TOMM7: variants seen among roughly 807,000 people sequenced by gnomAD.
The protein encoded by TOMM7 is translocase of outer mitochondrial membrane 7, also known as mitochondrial import receptor subunit TOM7 homolog.
In TOMM7, 8 loss-of-function variants were observed where a neutral mutation model predicts 9.5. The observed-to-expected ratio is 0.84, with a 90% confidence interval of 0.49 to 1.51. The LOEUF (loss-of-function observed/expected upper bound fraction) is 1.51, where lower values mean the gene tolerates loss of function less well. Among genes scored for constraint, TOMM7 ranks in the 40% most tolerant of loss-of-function variants. TOMM7 has a pLI of 0.00. For missense variants in TOMM7, 74 were observed against 63.7 expected (o/e 1.16, Z -0.55); for synonymous variants, 27 against 21.4 (o/e 1.26, Z -0.72).
intron 1 of TOMM7, among the ~76,000 whole-genome samples, chr7:22,819,802 C>G (rs117807556): frequency 1.3e-5 from 2 of 152,312 alleles, no homozygotes; most frequent in Non-Finnish European, 2.9e-5. Flanking sequence ...ATCAGAGCCT[C>G]TGCTTATAAG....
At position 22,822,794 on chromosome 7, in the gene TOMM7, G is replaced by A. The variant is rs770866576; in HGVS notation, c.-15C>T. 3.1e-6 allele frequency: 5 copies of A among 1,605,994 alleles called. No individual in the cohort carries two copies. Among genetic ancestry groups the A allele is most frequent in the Non-Finnish European group, 4.3e-6 (5 of 1,172,620 alleles). The stretch of plus-strand genomic sequence containing the variant: ...AGCTTCACCATGGCGACGGCCGTGT[G>A]GCGCAGGGAGGACCCCTTACAGCAA... On this transcript the variant is annotated 5_prime_UTR_variant, in exon 1 of 3. Transcript: ENST00000358435.
chr7:22,817,723 C>T (rs1030012814), intron 2 of TOMM7: 27 of 325,148 alleles, frequency 8.3e-5, no homozygotes, highest in South Asian at 2.4e-4. Context: ...GAGGATAAGA[C>T]GGGAATATGA....
chr7:22,814,332 A>G (rs1015158572), intron 2 of TOMM7, among the ~76,000 whole-genome samples: 6 of 144,330 alleles, frequency 4.2e-5, no homozygotes, highest in African/African-American at 1.6e-4. Context: ...CCTGGGTGAC[A>G]GAGCAAGACT....
rs1457454096 is a variant in TOMM7 at position 22,822,802 on chromosome 7, G to A, written c.-23C>T. 6.3e-7 allele frequency: 1 copy of A among 1,597,288 alleles called. No homozygotes were observed. Among genetic ancestry groups the A allele is most frequent in the Non-Finnish European group, 8.6e-7 (1 of 1,164,722 alleles). On this transcript the variant is annotated 5_prime_UTR_variant, in exon 1 of 3. Coordinates refer to ENST00000358435, the MANE Select transcript of TOMM7 (RefSeq NM_019059.5). ...CATGGCGACGGCCGTGTGGCGCAGG[G>A]AGGACCCCTTACAGCAACCACAGCG...
At chr7:22,818,344 C>A (rs1319581798) in intron 1 of TOMM7, 1 of 228,058 alleles carries the variant, frequency 4.4e-6, no homozygotes, top group African/African-American at 2.3e-5. Flanking sequence ...TCTCGGCTCA[C>A]TGCAACCTCT....
At chr7:22,817,869 C>A in intron 2 of TOMM7, 131 bp downstream of exon 2, 1 of 773,592 alleles carries the variant, frequency 1.3e-6, no homozygotes, top group Non-Finnish European at 2.1e-6. Context: ...TGCAGTTTTC[C>A]AATAGCCCAA....
At chr7:22,822,305 C>T (rs1782404375) in intron 1 of TOMM7, 5 of 1,538,190 alleles carry the variant, frequency 3.3e-6, no homozygotes, top group Non-Finnish European at 4.4e-6. Context: ...ACTCTTTCCA[C>T]TTAGGACCAC....
At chr7:22,814,847 AG>A (rs1334179870) in intron 2 of TOMM7, among the ~76,000 whole-genome samples, 1 of 152,208 alleles carries the variant, frequency 6.6e-6, no homozygotes, top group East Asian at 1.9e-4. Flanking sequence ...TATTTACATA[AG>A]TATTATATAA....
At chr7:22,822,009 A>G in intron 1 of TOMM7, 1 of 1,015,784 alleles carries the variant, frequency 9.8e-7, no homozygotes, top group Non-Finnish European at 1.4e-6. Context: ...TAAAAACAAA[A>G]ACCAAAAAAA....
At chr7:22,815,597 T>C (rs1782307542) in intron 2 of TOMM7, among the ~76,000 whole-genome samples, 1 of 152,126 alleles carries the variant, frequency 6.6e-6, no homozygotes, top group Admixed American at 6.5e-5. Flanking sequence ...GGTCATTAGT[T>C]AATTCAATGC....
intron 2 of TOMM7, among the ~76,000 whole-genome samples, chr7:22,816,313 G>A (rs1046112014): frequency 3.9e-5 from 6 of 152,282 alleles, no homozygotes; most frequent in Admixed American, 2.6e-4. Context: ...TCCAATACTT[G>A]GAAAATGTCC....
At chr7:22,816,255 G>C (rs558420193) in intron 2 of TOMM7, among the ~76,000 whole-genome samples, 1 of 152,336 alleles carries the variant, frequency 6.6e-6, no homozygotes, top group South Asian at 2.1e-4. Flanking sequence ...GGAGATGACA[G>C]CTTAGAAAGG....
At position 22,813,133 on chromosome 7, in the gene TOMM7, G is replaced by A. The variant is rs570562210; in HGVS notation, c.*37C>T. The A allele has an allele frequency of 1.1e-5, 18 of 1,611,650 alleles. No homozygotes were observed. The highest frequency in any genetic ancestry group is 6.7e-5 in the African/African-American group (5 of 74,876). On this transcript the variant is annotated 3_prime_UTR_variant, in exon 3 of 3. Transcript: ENST00000358435. Reference sequence around the variant, plus strand: ...AGAGCACACATCTTCCATGCTGTCCGCTGATTGCCTCCAAATCCAGAAGAC... The same window carrying A: ...AGAGCACACATCTTCCATGCTGTCCACTGATTGCCTCCAAATCCAGAAGAC...
chr7:22,816,147 G>A (rs966723988), intron 2 of TOMM7, among the ~76,000 whole-genome samples: 4 of 152,122 alleles, frequency 2.6e-5, no homozygotes, highest in African/African-American at 7.2e-5. Context: ...TACTGATCAC[G>A]TATTACTTGA....
chr7:22,822,563 C>A, intron 1 of TOMM7, 114 bp downstream of exon 1: 1 of 922,124 alleles, frequency 1.1e-6, no homozygotes, highest in Non-Finnish European at 1.7e-6. Context: ...CCTCAGGGGC[C>A]GTGCACGGCA....
At chr7:22,820,116 C>G (rs914000238) in intron 1 of TOMM7, among the ~76,000 whole-genome samples, 31 of 152,284 alleles carry the variant, frequency 2.0e-4, no homozygotes, top group Admixed American at 1.8e-3. Flanking sequence ...TCGAAGATCA[C>G]TTGAAACCAG....
In TOMM7 at chr7:22,816,163, A is replaced by T. The variant is rs144800841; in HGVS notation, c.152+1837T>A. Reference sequence around the variant, plus strand: ...ACTGATCACGTATTACTTGACAAGTACTGCTAATACTTTATATATAATATT... The same window carrying T: ...ACTGATCACGTATTACTTGACAAGTTCTGCTAATACTTTATATATAATATT... On this transcript the variant is annotated intron_variant, in intron 2 of 2. Coordinates refer to ENST00000358435, the MANE Select transcript of TOMM7 (RefSeq NM_019059.5). Among the ~76,000 whole-genome samples the T allele has an allele frequency of 1.1e-4, 17 of 152,382 alleles. No individual in the cohort carries two copies. The East Asian group carries it at 3.3e-3, about 29-fold the overall frequency.
intron 1 of TOMM7, chr7:22,822,279 C>T (rs1200074327): frequency 6.5e-7 from 1 of 1,548,874 alleles, no homozygotes; most frequent in Admixed American, 2.0e-5. Flanking sequence ...CGAGGTGTCT[C>T]GATTCCCTGA....
At chr7:22,822,190 C>G in intron 1 of TOMM7, 1 of 1,550,740 alleles carries the variant, frequency 6.4e-7, no homozygotes, top group South Asian at 1.2e-5. Context: ...TCATCCAAAC[C>G]CTTCATCGTA....
Sources: allele counts gnomAD v4.1 joint callset (sites outside exome capture counted in the v4.1 genomes callset), GRCh38; gene constraint gnomAD v4.1.1; transcripts MANE v1.5; gene names NCBI Gene and HGNC (gene_info 2026-07-23, HGNC 2026-07-21).